Variants in OSBPL7 observed in about 807,000 individuals in gnomAD.
The protein encoded by OSBPL7 is oxysterol-binding protein-related protein 7.
Under a neutral mutation model 115.8 loss-of-function variants are expected in OSBPL7, and 66 were observed. The ratio of observed to expected loss-of-function variants is 0.57; its 90% CI spans 0.47 to 0.70. The LOEUF (loss-of-function observed/expected upper bound fraction) is 0.70. OSBPL7 is among the 30% of genes least tolerant of loss of function. OSBPL7 has a pLI of 0.00. For synonymous variants in OSBPL7, 441 were observed against 439.2 expected, an observed-to-expected ratio of 1.00 and a Z score of -0.05; for missense variants, 902 against 1,125.5, an observed-to-expected ratio of 0.80 and a Z score of 2.84.
intron 4 of OSBPL7, 33 bp from the exon 5 acceptor site, chr17:47,819,132 A>G (rs753104428): frequency 1.3e-6 from 2 of 1,584,668 alleles, no homozygotes; most frequent in Admixed American, 1.7e-5. Flanking sequence ...GGGAGAGGGG[A>G]CCTGTTTTAG....
Position 47,820,309 on chromosome 17 carries a change from ATGTAGAGC to A in OSBPL7, c.-39_-32del, listed in dbSNP as rs2033361052. On this transcript the variant is annotated 5_prime_UTR_variant, in exon 2 of 23. Coordinates refer to ENST00000007414, the MANE Select transcript of OSBPL7 (RefSeq NM_145798.3). ...AGGGAGAGGCCACTCCCTGCTGGGG[ATGTAGAGC>A]AGGGAGCAGGGTGGAAGGGGAAGGA... 5.0e-6 allele frequency: 8 copies of A among 1,606,844 alleles called. No individual in the cohort carries two copies. The highest frequency in any genetic ancestry group is 6.8e-6 in the Non-Finnish European group (8 of 1,176,056).
intron 14 of OSBPL7, 52 bp downstream of exon 14, chr17:47,814,469 C>T: frequency 6.6e-7 from 1 of 1,526,122 alleles, no homozygotes; most frequent in Non-Finnish European, 9.0e-7. Flanking sequence ...TGGACAAACC[C>T]TGTTTTTCCA....
chr17:47,819,122 G>C, intron 4 of OSBPL7, 23 bp from the exon 5 acceptor site: 1 of 1,597,858 alleles, frequency 6.3e-7, no homozygotes, highest in African/African-American at 1.3e-5. Flanking sequence ...TGTTGGTAGA[G>C]GGAGAGGGGA....
chr17:47,817,871 A>G (rs1405479036), intron 7 of OSBPL7, among the ~76,000 whole-genome samples: 1 of 152,154 alleles, frequency 6.6e-6, no homozygotes, highest in Non-Finnish European at 1.5e-5. Context: ...GCCTTTGAGC[A>G]GACTGGGGAT....
At chr17:47,819,448 G>T in intron 4 of OSBPL7, 1 of 577,370 alleles carries the variant, frequency 1.7e-6, no homozygotes, top group Non-Finnish European at 3.1e-6. Flanking sequence ...GATGAGGGTG[G>T]TAAAGCCCCC....
chr17:47,814,236 T>G (rs1324965016), intron 14 of OSBPL7, among the ~76,000 whole-genome samples: 1 of 152,206 alleles, frequency 6.6e-6, no homozygotes. Context: ...GCCACACTGC[T>G]AACAAGCAGC....
chr17:47,811,495 G>A (rs543032913), intron 16 of OSBPL7, among the ~76,000 whole-genome samples: 35 of 152,220 alleles, frequency 2.3e-4, no homozygotes, highest in Middle Eastern at 3.4e-3. Context: ...GCCAGCACCG[G>A]CCTCCTCTGT....
chr17:47,818,895 G>T, intron 5 of OSBPL7, 91 bp downstream of exon 5: 2 of 1,174,604 alleles, frequency 1.7e-6, no homozygotes, highest in Non-Finnish European at 2.5e-6. Context: ...CAGACCCTGA[G>T]TTCCACAGAC....
chr17:47,818,627 G>T lies in OSBPL7; in HGVS notation c.370-11C>A. On this transcript the variant is annotated splice_polypyrimidine_tract_variant and intron_variant, in intron 5 of 22. Coordinates refer to ENST00000007414, the MANE Select transcript of OSBPL7 (RefSeq NM_145798.3). Reference sequence around the variant, plus strand: ...GTCCTGGGATTTGATCTGCAGAAGTGATGGAGAGGGGGAGGGCTATCTGAA... The same window carrying T: ...GTCCTGGGATTTGATCTGCAGAAGTTATGGAGAGGGGGAGGGCTATCTGAA... The T allele has an allele frequency of 6.2e-7, 1 of 1,607,488 alleles. No individual in the cohort carries two copies. The highest frequency in any genetic ancestry group is 8.5e-7 in the Non-Finnish European group (1 of 1,176,176).
In OSBPL7 at chr17:47,808,332, C is replaced by T. The variant is rs780522321; in HGVS notation, c.2488G>A (p.Glu830Lys). The T allele has an allele frequency of 5.6e-6, 9 of 1,614,030 alleles. No individual in the cohort carries two copies. The highest frequency in any genetic ancestry group is 4.4e-5 in the South Asian group (4 of 91,082). ...TNNTYWRLRA[E>K]PGYGNMDGAV... ...CCATCCATGTTCCCATAGCCTGGCT[C>T]GGCCCGCAGCCTCCAGTAGGTATTG... is the stretch of plus-strand genomic sequence containing the variant. Residue 830 changes from glutamate (E) to lysine (K), a missense_variant, in exon 23 of 23, where the codon GAG becomes AAG. Coordinates refer to ENST00000007414, the MANE Select transcript of OSBPL7 (RefSeq NM_145798.3). The surrounding 1 kb of genome is among the most constrained non-coding windows in gnomAD (Gnocchi z 6.1).
In OSBPL7 at chr17:47,808,204, G is replaced by A. The variant is rs1022691160; in HGVS notation, c.*87C>T. 4 of 1,046,088 alleles carry A rather than the reference G, an allele frequency of 3.8e-6. No homozygotes were observed. Among genetic ancestry groups the A allele is most frequent in the Admixed American group, 2.0e-5 (1 of 49,946 alleles). 64.8% of individuals were successfully genotyped at this position (1,046,088 alleles called of 1,614,324 possible). A position where few individuals can be genotyped will look rare whatever the true frequency, so the allele number is the denominator to read the frequency against. On this transcript the variant is annotated 3_prime_UTR_variant, in exon 23 of 23. Coordinates refer to ENST00000007414, the MANE Select transcript of OSBPL7 (RefSeq NM_145798.3). This position sits in a 1 kb window ranked among gnomAD's most constrained non-coding sequence, Gnocchi z 6.1. ...CTTTGGTCTCAAGGGCAGTGAGGCG[G>A]GGAGCCCGGCCTCACCCATGTGTCC...
chr17:47,816,969 G>A lies in OSBPL7; in HGVS notation c.703-97C>T, dbSNP rs2033241896. 2 of 1,187,024 alleles carry A rather than the reference G, an allele frequency of 1.7e-6. No individual in the cohort carries two copies. Among genetic ancestry groups the A allele is most frequent in the Admixed American group, 3.5e-5 (2 of 56,932 alleles). 73.5% of individuals were successfully genotyped at this position (1,187,024 alleles called of 1,614,324 possible). On this transcript the variant is annotated intron_variant, in intron 8 of 22. Transcript: ENST00000007414. This position sits in a 1 kb window ranked among gnomAD's most constrained non-coding sequence, Gnocchi z 5.8. ...AGAGGTAGACGGCCTCCTGCGCCAT[G>A]GAGGAGGGCGCAGATTACCCAGCAC...
At position 47,816,071 on chromosome 17, in the gene OSBPL7, G is replaced by C. The variant is rs2033204026; in HGVS notation, c.1119+36C>G. On this transcript the variant is annotated intron_variant, in intron 12 of 22. Transcript: ENST00000007414. This position sits in a 1 kb window ranked among gnomAD's most constrained non-coding sequence, Gnocchi z 5.8. Reference sequence around the variant, plus strand: ...GCTTTCGCTGGGAGAGAAGGCACAGGAGAATCGGCCCCCACAGCCCACCCT... The same window carrying C: ...GCTTTCGCTGGGAGAGAAGGCACAGCAGAATCGGCCCCCACAGCCCACCCT... 6.6e-7 allele frequency: 1 copy of C among 1,517,124 alleles called. No homozygotes were observed. The highest frequency in any genetic ancestry group is 1.4e-5 in the African/African-American group (1 of 72,070). The allele number at this position is 1,517,124 out of a possible 1,614,324, so 94.0% of individuals were successfully genotyped here. A position where few individuals can be genotyped will look rare whatever the true frequency, so the allele number is the denominator to read the frequency against.
chr17:47,818,973 C>T lies in OSBPL7; in HGVS notation c.369+13G>A. ...TGGGGGCCAACACACGTCCTGCCTCCCAGGGATGTCACCTTGAGGTGGTAG... is the reference window on the plus strand; with the variant it reads ...TGGGGGCCAACACACGTCCTGCCTCTCAGGGATGTCACCTTGAGGTGGTAG... On this transcript the variant is annotated intron_variant, in intron 5 of 22. Transcript: ENST00000007414. The T allele has an allele frequency of 1.2e-6, 2 of 1,611,140 alleles. No individual in the cohort carries two copies. The highest frequency in any genetic ancestry group is 2.2e-5 in the East Asian group (1 of 44,866).
At position 47,820,212 on chromosome 17, in the gene OSBPL7, C is replaced by A; in HGVS notation, c.67G>T (p.Ala23Ser). ...ESAQSSKPSS[A>S]QQASELWEVV... ...CTTTCCCACTCTCTGACCTGCTGAG[C>A]ACTGCTGGGCTTTGAGGACTGAGCG... The change falls in exon 2 of 23, where the codon GCT (alanine) becomes TCT (serine). Residue 23 changes from alanine to serine, a missense_variant. Ala to Ser is a moderately conservative substitution (Grantham distance 99). Transcript: ENST00000007414. 6.2e-7 allele frequency: 1 copy of A among 1,614,082 alleles called. No homozygotes were observed. The highest frequency in any genetic ancestry group is 8.5e-7 in the Non-Finnish European group (1 of 1,179,998).
intron 7 of OSBPL7, 24 bp downstream of exon 7, chr17:47,818,245 G>C (rs1387715771): frequency 6.3e-7 from 1 of 1,594,760 alleles, no homozygotes; most frequent in East Asian, 2.2e-5. Context: ...TACCCTTGGA[G>C]GTGCTGCGCC....
intron 7 of OSBPL7, 80 bp from the exon 8 acceptor site, chr17:47,817,439 G>C (rs2033261348): frequency 2.0e-6 from 2 of 986,352 alleles, no homozygotes; most frequent in Non-Finnish European, 3.0e-6. Flanking sequence ...GCCCAGGCTA[G>C]AGTGGAATGG....
chr17:47,815,150 C>G, intron 13 of OSBPL7, 65 bp downstream of exon 13: 1 of 1,561,222 alleles, frequency 6.4e-7, no homozygotes. Flanking sequence ...TCTCTGTGGA[C>G]CCCACCCTTC....
chr17:47,819,817 G>C, intron 3 of OSBPL7, 35 bp from the exon 4 acceptor site: 1 of 1,613,884 alleles, frequency 6.2e-7, no homozygotes, highest in South Asian at 1.1e-5. Flanking sequence ...GGACCCGGGA[G>C]GCCGAGAGGA....
Sources: allele counts gnomAD v4.1 joint callset (sites outside exome capture counted in the v4.1 genomes callset), GRCh38; gene constraint gnomAD v4.1.1; non-coding constraint Gnocchi (gnomAD v3.1); transcripts MANE v1.5; gene names NCBI Gene and HGNC (gene_info 2026-07-23, HGNC 2026-07-21).